SSBP2: variants seen among roughly 807,000 people sequenced by gnomAD.
SSBP2 encodes the protein single-stranded DNA-binding protein 2.
In SSBP2, 17 loss-of-function variants were observed where a neutral mutation model predicts 61.8. That is an observed-to-expected ratio of 0.28 (90% CI 0.19 to 0.41). SSBP2 has a LOEUF of 0.41. Ranked by LOEUF, SSBP2 falls within the 10% of genes least tolerant of loss-of-function variation. The probability of loss-of-function intolerance (pLI) is 1.00; values close to 1 mark genes in which losing one functional copy is unlikely to be tolerated. For missense variants in SSBP2, 310 were observed against 458.7 expected, an observed-to-expected ratio of 0.68 and a Z score of 2.96; for synonymous variants, 139 against 141.3, an observed-to-expected ratio of 0.98 and a Z score of 0.12.
chr5:81,566,419 C>T (rs982735020), intron 4 of SSBP2, among the ~76,000 whole-genome samples: 4 of 152,186 alleles, frequency 2.6e-5, no homozygotes, highest in Non-Finnish European at 4.4e-5. Context: ...GGGATTTCTG[C>T]TTTTGCGTCT....
At chr5:81,477,397 C>T (rs1012644113) in intron 6 of SSBP2, among the ~76,000 whole-genome samples, 6 of 152,190 alleles carry the variant, frequency 3.9e-5, no homozygotes, top group Non-Finnish European at 8.8e-5. Flanking sequence ...AACTCCAATT[C>T]CAATCTGATA....
chr5:81,695,247 A>G (rs1009986473), intron 1 of SSBP2, among the ~76,000 whole-genome samples: 1 of 152,226 alleles, frequency 6.6e-6, no homozygotes, highest in African/African-American at 2.4e-5. Flanking sequence ...TTCATGTTGT[A>G]TTCTTACAAT....
In SSBP2 at chr5:81,640,958, T is replaced by C. The variant is rs1581231648; in HGVS notation, c.136-4340A>G. Among the ~76,000 whole-genome samples the C allele has an allele frequency of 2.0e-5, 3 of 152,338 alleles. No individual in the cohort carries two copies. The Middle Eastern group carries it at 0.01, about 518-fold the overall frequency. ...CCTAATCATATGACCAGCAAATTTT[T>C]CAAAGTACTGTCCTTATGTTTCATC... On this transcript the variant is annotated intron_variant, in intron 2 of 16. Coordinates refer to ENST00000320672, the MANE Select transcript of SSBP2 (RefSeq NM_012446.5).
intron 4 of SSBP2, among the ~76,000 whole-genome samples, chr5:81,582,682 CT>C (rs1774748512): frequency 6.6e-6 from 1 of 152,128 alleles, no homozygotes; most frequent in Non-Finnish European, 1.5e-5. Context: ...CAAACTCCAC[CT>C]CCCCAGTTCA....
chr5:81,625,741 A>G (rs138001875), intron 3 of SSBP2, among the ~76,000 whole-genome samples: 271 of 152,334 alleles, frequency 1.8e-3, no homozygotes, highest in African/African-American at 5.5e-3. Flanking sequence ...TAGCTTGTTA[A>G]TATCTCAAGG....
chr5:81,478,732 A>G (rs1331047830), intron 6 of SSBP2, among the ~76,000 whole-genome samples: 1 of 152,060 alleles, frequency 6.6e-6, no homozygotes, highest in African/African-American at 2.4e-5. Context: ...TGGCTTCCCA[A>G]AGCGCTGGGA....
At chr5:81,609,531 T>G (rs534849725) in intron 4 of SSBP2, among the ~76,000 whole-genome samples, 1 of 152,274 alleles carries the variant, frequency 6.6e-6, no homozygotes, top group Non-Finnish European at 1.5e-5. Context: ...TCTTTGCACC[T>G]CCCATAGCTT....
At chr5:81,641,831 G>A (rs1748811383) in intron 2 of SSBP2, among the ~76,000 whole-genome samples, 1 of 151,964 alleles carries the variant, frequency 6.6e-6, no homozygotes, top group South Asian at 2.1e-4. Context: ...ATGAAATACA[G>A]CTACCTGGAA....
chr5:81,450,929 T>C (rs1400054104), intron 10 of SSBP2, among the ~76,000 whole-genome samples: 1 of 152,232 alleles, frequency 6.6e-6, no homozygotes, highest in Non-Finnish European at 1.5e-5. Context: ...ATCCAAAATG[T>C]AATCATGCTC....
intron 1 of SSBP2, among the ~76,000 whole-genome samples, chr5:81,728,335 AG>A (rs1756028881): frequency 6.6e-6 from 1 of 152,230 alleles, no homozygotes; most frequent in African/African-American, 2.4e-5. Context: ...TTTACTTAAA[AG>A]GGCAGCATCT....
chr5:81,466,741 G>C (rs1382603094), intron 9 of SSBP2, among the ~76,000 whole-genome samples: 1 of 151,576 alleles, frequency 6.6e-6, no homozygotes, highest in African/African-American at 2.4e-5. Context: ...AGGTTGCAAG[G>C]GAACAAAGAA....
chr5:81,493,991 A>G (rs1182761734), intron 5 of SSBP2, among the ~76,000 whole-genome samples: 3 of 152,242 alleles, frequency 2.0e-5, no homozygotes, highest in Admixed American at 2.0e-4. Context: ...CCCGCTGATT[A>G]GGATTTTTCA....
intron 1 of SSBP2, among the ~76,000 whole-genome samples, chr5:81,656,296 C>T (rs1480929789): frequency 1.3e-5 from 2 of 152,084 alleles, no homozygotes; most frequent in East Asian, 1.9e-4. Context: ...GTAATCCGCC[C>T]ACCTCAGCCT....
intron 16 of SSBP2, among the ~76,000 whole-genome samples, chr5:81,427,876 T>C (rs1338972411): frequency 6.6e-6 from 1 of 152,182 alleles, no homozygotes; most frequent in Admixed American, 6.5e-5. Context: ...TGGGAAACTG[T>C]ATTTTAAAAA....
At chr5:81,616,776 T>G (rs1346754212) in intron 3 of SSBP2, among the ~76,000 whole-genome samples, 1 of 151,364 alleles carries the variant, frequency 6.6e-6, no homozygotes, top group East Asian at 2.0e-4. Flanking sequence ...GACTGCCTCC[T>G]CAAGTGGGTC....
At chr5:81,531,207 TG>T (rs1770372985) in intron 4 of SSBP2, among the ~76,000 whole-genome samples, 2 of 138,246 alleles carry the variant, frequency 1.4e-5, no homozygotes, top group Admixed American at 7.8e-5. Context: ...TCAGCCTGAG[TG>T]GCAGAGTAAG....
intron 13 of SSBP2, 73 bp from the exon 14 acceptor site, chr5:81,440,709 T>A: frequency 8.9e-7 from 1 of 1,124,488 alleles, no homozygotes; most frequent in Non-Finnish European, 1.3e-6. Context: ...ACAATATATT[T>A]AACATTACAA....
At chr5:81,576,381 A>C (rs1276095028) in intron 4 of SSBP2, among the ~76,000 whole-genome samples, 1 of 152,134 alleles carries the variant, frequency 6.6e-6, no homozygotes, top group African/African-American at 2.4e-5. Context: ...TATGTTAGGC[A>C]CTATTCTAAG....
chr5:81,448,864 T>C (rs773340865), intron 10 of SSBP2, 39 bp from the exon 11 acceptor site: 1 of 1,506,698 alleles, frequency 6.6e-7, no homozygotes, highest in South Asian at 1.1e-5. Context: ...TTGATTCATG[T>C]AGCAATATGG....
Sources: allele counts gnomAD v4.1 joint callset (sites outside exome capture counted in the v4.1 genomes callset), GRCh38; gene constraint gnomAD v4.1.1; transcripts MANE v1.5; gene names NCBI Gene and HGNC (gene_info 2026-07-23, HGNC 2026-07-21).